The following RAP1GAP2 variants were observed in gnomAD, a reference collection of about 807,000 sequenced individuals.
The protein encoded by RAP1GAP2 is RAP1 GTPase activating protein 2.
RAP1GAP2 carries 27 observed loss-of-function variants against 95.0 expected under a neutral mutation model. The ratio of observed to expected loss-of-function variants is 0.28; its 90% CI spans 0.21 to 0.39. The LOEUF (loss-of-function observed/expected upper bound fraction) is 0.39. Ranked by LOEUF, RAP1GAP2 falls within the 10% of genes least tolerant of loss-of-function variation. The probability of loss-of-function intolerance (pLI) is 1.00; values close to 1 mark genes in which losing one functional copy is unlikely to be tolerated. For missense variants in RAP1GAP2, 771 were observed against 970.0 expected (o/e 0.79, Z 2.72); for synonymous variants, 373 against 380.9 (o/e 0.98, Z 0.24).
chr17:2,779,875 T>C (rs1597291313), intron 1 of RAP1GAP2, among the ~76,000 whole-genome samples: 1 of 142,334 alleles, frequency 7.0e-6, no homozygotes, highest in African/African-American at 2.6e-5. Context: ...GGACAGGGAG[T>C]GGGTTGGGCA....
At chr17:2,853,893 G>T (rs1007403746) in intron 2 of RAP1GAP2, 1 of 978,158 alleles carries the variant, frequency 1.0e-6, no homozygotes, top group African/African-American at 1.8e-5. Context: ...CGAGGCGGAG[G>T]CCGGGGGCCG....
chr17:2,857,238 T>C lies in RAP1GAP2; in HGVS notation c.81-48046T>C, dbSNP rs1225099895. Among the ~76,000 whole-genome samples, 2 of 152,180 alleles carry C rather than the reference T, an allele frequency of 1.3e-5. No individual in the cohort carries two copies. Among genetic ancestry groups the C allele is most frequent in the Non-Finnish European group, 2.9e-5 (2 of 68,028 alleles). ...CAGATAACACTGTTGGCTCTTAGCC[T>C]TAAGGGTTGAAATGGTTGTGTGTGG... is the stretch of plus-strand genomic sequence containing the variant. On this transcript the variant is annotated intron_variant, in intron 2 of 24. Transcript: ENST00000254695. This position sits in a 1 kb window ranked among gnomAD's most constrained non-coding sequence, Gnocchi z 4.0.
intron 2 of RAP1GAP2, among the ~76,000 whole-genome samples, chr17:2,840,265 G>A (rs747781695): frequency 2.0e-5 from 3 of 151,832 alleles, no homozygotes; most frequent in Non-Finnish European, 4.4e-5. Context: ...CTGGATTCAA[G>A]CGATTCTCCT....
At chr17:2,940,402 C>T (rs554142593) in intron 3 of RAP1GAP2, among the ~76,000 whole-genome samples, 2 of 152,346 alleles carry the variant, frequency 1.3e-5, no homozygotes, top group East Asian at 3.9e-4. Context: ...TCTCGGCTCC[C>T]TGCCGGGGCC....
At position 2,872,622 on chromosome 17, in the gene RAP1GAP2, G is replaced by T. The variant is rs182738378; in HGVS notation, c.81-32662G>T. On this transcript the variant is annotated intron_variant, in intron 2 of 24. Transcript: ENST00000254695. Reference sequence around the variant, plus strand: ...GGCCTTTTCTTCATGGCTTCCTTTTGTTAGGGTTTGATGTAAGCCACTCCG... The same window carrying T: ...GGCCTTTTCTTCATGGCTTCCTTTTTTTAGGGTTTGATGTAAGCCACTCCG... Among the ~76,000 whole-genome samples the T allele has an allele frequency of 2.2e-4, 33 of 152,140 alleles. 1 individual carries two copies. The South Asian group carries it at 3.3e-3, about 15-fold the overall frequency.
chr17:2,960,332 C>G (rs1276705742), intron 4 of RAP1GAP2, among the ~76,000 whole-genome samples: 1 of 152,044 alleles, frequency 6.6e-6, no homozygotes, highest in Admixed American at 6.5e-5. Context: ...AAAACAGACT[C>G]CTGCCCTCAC....
intron 2 of RAP1GAP2, among the ~76,000 whole-genome samples, chr17:2,879,520 G>A (rs1567735906): frequency 6.8e-6 from 1 of 147,228 alleles, no homozygotes; most frequent in Non-Finnish European, 1.5e-5. Context: ...GAGATCAGGA[G>A]TTCAAGACCA....
At chr17:3,026,853 G>T in intron 21 of RAP1GAP2, 91 bp from the exon 22 acceptor site, 2 of 1,452,984 alleles carry the variant, frequency 1.4e-6, no homozygotes, top group South Asian at 2.7e-5. Context: ...GGAGGCAGCG[G>T]CTGTCCTGGG....
At position 2,820,987 on chromosome 17, in the gene RAP1GAP2, G is replaced by A. The variant is rs1479245983; in HGVS notation, c.80+20437G>A. ...GCTGACCTGTTGATCTGCCTGCCTC[G>A]GCCTCCCAAAGTGCTGGGATTACAG... On this transcript the variant is annotated intron_variant, in intron 2 of 24. Transcript: ENST00000254695. 2.7e-5 allele frequency among the ~76,000 whole-genome samples: 4 copies of A among 149,788 alleles called. 1 individual carries two copies. Among genetic ancestry groups the A allele is most frequent in the East Asian group, 2.0e-4 (1 of 5,020 alleles).
chr17:2,890,749 A>C (rs1424514071), intron 2 of RAP1GAP2, among the ~76,000 whole-genome samples: 1 of 150,196 alleles, frequency 6.7e-6, no homozygotes, highest in African/African-American at 2.5e-5. Context: ...CAGTGGCGCA[A>C]TCTTGGCTCA....
intron 2 of RAP1GAP2, among the ~76,000 whole-genome samples, chr17:2,901,242 G>T (rs1299307133): frequency 6.6e-6 from 1 of 152,146 alleles, no homozygotes; most frequent in African/African-American, 2.4e-5. Context: ...GTGAGAAGGG[G>T]CAGGGCCTCC....
In RAP1GAP2 at chr17:2,765,233, C is replaced by T. The variant is rs137948266; in HGVS notation, c.51-5096C>T. On this transcript the variant is annotated intron_variant, in intron 1 of 25. Transcript: ENST00000637138. ...GCCAGCCACCTGCACAAACCAGGAACGGGGGAATGATGTTGCTGCCTGTCT... is the reference window on the plus strand; with the variant it reads ...GCCAGCCACCTGCACAAACCAGGAATGGGGGAATGATGTTGCTGCCTGTCT... Among the ~76,000 whole-genome samples, 14 of 152,270 alleles carry T rather than the reference C, an allele frequency of 9.2e-5. No individual in the cohort carries two copies. The East Asian group carries it at 1.2e-3, about 13-fold the overall frequency.
intron 1 of RAP1GAP2, among the ~76,000 whole-genome samples, chr17:2,777,773 T>A (rs9895172): frequency 0.51 from 76,895 of 152,066 alleles, 20,033 homozygotes; most frequent in East Asian, 0.87. Context: ...GAAGCCTCCA[T>A]GGGGAATGAG....
chr17:2,771,444 C>T (rs568223246), intron 2 of RAP1GAP2, among the ~76,000 whole-genome samples: 17 of 151,172 alleles, frequency 1.1e-4, no homozygotes, highest in South Asian at 2.1e-4. Context: ...ACACCCGACC[C>T]GGGGACTTTC....
upstream of RAP1GAP2, among the ~76,000 whole-genome samples, chr17:2,776,749 C>T (rs2068509889): frequency 6.7e-6 from 1 of 149,474 alleles, no homozygotes; most frequent in Admixed American, 6.7e-5. Flanking sequence ...CTGCGGAGGG[C>T]GCGGCTTTGT....
At chr17:3,032,562 G>T in intron 24 of RAP1GAP2, 113 bp downstream of exon 24, 1 of 1,055,040 alleles carries the variant, frequency 9.5e-7, no homozygotes, top group Admixed American at 2.0e-5. Context: ...CCGCCAGCTG[G>T]GGATGTCCAA....
At chr17:2,911,031 T>C (rs9902748) in intron 3 of RAP1GAP2, among the ~76,000 whole-genome samples, 1 of 152,102 alleles carries the variant, frequency 6.6e-6, no homozygotes, top group African/African-American at 2.4e-5. Context: ...CCCAAACTAG[T>C]TTTGGTCAAG....
intron 3 of RAP1GAP2, among the ~76,000 whole-genome samples, chr17:2,941,634 G>A (rs1462327967): frequency 6.6e-6 from 1 of 151,064 alleles, no homozygotes; most frequent in Non-Finnish European, 1.5e-5. Flanking sequence ...GGATGTGGAG[G>A]ATGAGGGATC....
chr17:2,796,275 T>C (rs768978824), upstream of RAP1GAP2, among the ~76,000 whole-genome samples: 1 of 152,208 alleles, frequency 6.6e-6, no homozygotes, highest in Non-Finnish European at 1.5e-5. This position sits in a 1 kb window ranked among gnomAD's most constrained non-coding sequence, Gnocchi z 4.7. Context: ...TGTGGGTTCC[T>C]CTGGGTGTGG....
Sources: allele counts gnomAD v4.1 joint callset (sites outside exome capture counted in the v4.1 genomes callset), GRCh38; gene constraint gnomAD v4.1.1; non-coding constraint Gnocchi (gnomAD v3.1); transcripts MANE v1.5; gene names NCBI Gene and HGNC (gene_info 2026-07-23, HGNC 2026-07-21).